ANO4: variants seen among roughly 807,000 people sequenced by gnomAD.
ANO4 encodes the protein anoctamin-4.
In ANO4, 69 loss-of-function variants were observed where a neutral mutation model predicts 141.9. The observed-to-expected ratio is 0.49, with a 90% CI of 0.40 to 0.59. ANO4 has a LOEUF of 0.59. Ranked by LOEUF, ANO4 falls within the 20% of genes least tolerant of loss-of-function variation. The probability of loss-of-function intolerance (pLI) is 0.00; values close to 1 mark genes in which losing one functional copy is unlikely to be tolerated. For missense variants in ANO4, 894 were observed against 1,162.2 expected (o/e 0.77, Z 3.36); for synonymous variants, 350 against 394.3 (o/e 0.89, Z 1.33).
At chr12:100,968,933 T>G (rs1263974211) in intron 5 of ANO4, among the ~76,000 whole-genome samples, 1 of 152,240 alleles carries the variant, frequency 6.6e-6, no homozygotes, top group Non-Finnish European at 1.5e-5. Flanking sequence ...TCTAAGCAGC[T>G]GTGCCGGGAG....
intron 22 of ANO4, among the ~76,000 whole-genome samples, chr12:101,102,545 G>A (rs1261071818): frequency 6.6e-6 from 1 of 151,506 alleles, no homozygotes; most frequent in Non-Finnish European, 1.5e-5. Flanking sequence ...TTTTTTTTGT[G>A]GGTATCTGTC....
At chr12:101,023,012 A>T (rs2046594231) in intron 9 of ANO4, among the ~76,000 whole-genome samples, 1 of 152,132 alleles carries the variant, frequency 6.6e-6, no homozygotes, top group Admixed American at 6.5e-5. Context: ...ACGACTCTTT[A>T]TGAGACACTA....
At chr12:100,793,051 A>G (rs1221536921), upstream of ANO4, among the ~76,000 whole-genome samples, 1 of 152,258 alleles carries the variant, frequency 6.6e-6, no homozygotes, top group Non-Finnish European at 1.5e-5. Flanking sequence ...GAAGAACATT[A>G]AAATAGTAGA....
intron 8 of ANO4, among the ~76,000 whole-genome samples, chr12:101,014,434 T>C (rs1312862545): frequency 6.6e-6 from 1 of 152,152 alleles, no homozygotes; most frequent in Non-Finnish European, 1.5e-5. Flanking sequence ...GGAGAGTCAG[T>C]GGGAAGTTCA....
At chr12:100,991,849 A>G (rs2045126226) in intron 8 of ANO4, among the ~76,000 whole-genome samples, 1 of 152,198 alleles carries the variant, frequency 6.6e-6, no homozygotes, top group Non-Finnish European at 1.5e-5. Context: ...AGTAAAGAAT[A>G]AAGCTGATGT....
intron 3 of ANO4, among the ~76,000 whole-genome samples, chr12:100,928,184 CG>C (rs935840228): frequency 2.6e-5 from 3 of 117,134 alleles, no homozygotes; most frequent in Admixed American, 9.2e-5. Flanking sequence ...TGAGCGGGGC[CG>C]GGGGGGCTGG....
At chr12:100,941,994 A>G (rs1431868847) in intron 4 of ANO4, among the ~76,000 whole-genome samples, 2 of 138,268 alleles carry the variant, frequency 1.4e-5, no homozygotes, top group Non-Finnish European at 3.1e-5. Flanking sequence ...TATTATTATT[A>G]TTTTGAGATG....
chr12:100,814,584 T>G (rs1217507580), intron 1 of ANO4, among the ~76,000 whole-genome samples: 1 of 152,170 alleles, frequency 6.6e-6, no homozygotes, highest in East Asian at 1.9e-4. Flanking sequence ...GATACAAATA[T>G]AACCACATGT....
At chr12:100,876,470 GCT>G (rs2039315233) in intron 1 of ANO4, among the ~76,000 whole-genome samples, 2 of 152,130 alleles carry the variant, frequency 1.3e-5, no homozygotes, top group South Asian at 4.1e-4. Context: ...GGAAGGTTGT[GCT>G]GAGTCAAAGC....
rs150502402 is a variant in ANO4, at chr12:101,004,320, C to T, written c.735-15714C>T. ...GCCCTGTGGAGCTGAGCCTCGGACT[C>T]CTGGGGAGGAGATTCTGCCCTTGTG... On this transcript the variant is annotated intron_variant, in intron 8 of 27. Transcript: ENST00000392977. 1.2e-3 allele frequency among the ~76,000 whole-genome samples: 180 copies of T among 152,140 alleles called. 1 individual carries two copies. Among genetic ancestry groups the T allele is most frequent in the African/African-American group, 3.7e-3 (153 of 41,514 alleles).
chr12:100,791,277 G>T (rs574310859), upstream of ANO4, among the ~76,000 whole-genome samples: 1 of 152,214 alleles, frequency 6.6e-6, no homozygotes, highest in South Asian at 2.1e-4. Context: ...GGGTATGGTG[G>T]CATGCACCTG....
At chr12:101,091,145 C>T (rs1038510017) in intron 17 of ANO4, among the ~76,000 whole-genome samples, 5 of 152,148 alleles carry the variant, frequency 3.3e-5, no homozygotes, top group African/African-American at 1.2e-4. Context: ...TTAGATATAA[C>T]ATGAACATCT....
At chr12:100,844,876 TAG>T (rs879311918) in intron 1 of ANO4, among the ~76,000 whole-genome samples, 1 of 151,662 alleles carries the variant, frequency 6.6e-6, no homozygotes, top group Non-Finnish European at 1.5e-5. Context: ...AGGAAGAACG[TAG>T]AGAGAGAAGA....
At position 101,128,486 on chromosome 12, in the gene ANO4, A is replaced by G. The variant is rs369607295; in HGVS notation, c.*630A>G. 11 of 152,686 alleles carry G rather than the reference A, an allele frequency of 7.2e-5. No homozygotes were observed. Among genetic ancestry groups the G allele is most frequent in the African/African-American group, 2.2e-4 (9 of 41,466 alleles). The allele number at this position is 152,686 out of a possible 1,614,324, so 9.5% of individuals were successfully genotyped here. ...ATACAAATACAGAGATATATAAAGT[A>G]CATAGAAATTCCTTACTTGTAAATA... On this transcript the variant is annotated 3_prime_UTR_variant, in exon 28 of 28. Transcript: ENST00000392977.
chr12:101,078,552 G>T (rs180747740), intron 14 of ANO4, among the ~76,000 whole-genome samples: 14 of 152,242 alleles, frequency 9.2e-5, no homozygotes, highest in Non-Finnish European at 1.3e-4. Context: ...CAGCCACCTC[G>T]CACTTACTGG....
chr12:100,964,284 G>T (rs1230954135), intron 5 of ANO4, among the ~76,000 whole-genome samples: 1 of 152,076 alleles, frequency 6.6e-6, no homozygotes, highest in Admixed American at 6.6e-5. Context: ...CTTAGCCAAG[G>T]TACCAGACTT....
chr12:100,760,488 A>G (rs1224506659), intron 3 of ANO4, among the ~76,000 whole-genome samples: 1 of 152,210 alleles, frequency 6.6e-6, no homozygotes, highest in East Asian at 1.9e-4. Context: ...TGTGTGATTT[A>G]GACTGAGTGT....
chr12:100,961,570 T>G (rs945369768), intron 5 of ANO4, among the ~76,000 whole-genome samples: 2 of 152,226 alleles, frequency 1.3e-5, no homozygotes, highest in Non-Finnish European at 2.9e-5. Flanking sequence ...AATAATGTAA[T>G]TTAAAATATT....
At position 100,915,777 on chromosome 12, in the gene ANO4, A is replaced by AT. The variant is rs566333060; in HGVS notation, c.56-6443dup. ...AGCCTCCAAAAAATTTTAGTTTCCCATTTTTTCAATGAGAAAGATAAGGCT... is the reference window on the plus strand; with the variant it reads ...AGCCTCCAAAAAATTTTAGTTTCCCATTTTTTTCAATGAGAAAGATAAGGCT... On this transcript the variant is annotated intron_variant, in intron 2 of 27. Transcript: ENST00000392977. Among the ~76,000 whole-genome samples the AT allele has an allele frequency of 3.6e-4, 55 of 152,184 alleles. 1 individual carries two copies. Among genetic ancestry groups the AT allele is most frequent in the Non-Finnish European group, 7.4e-4 (50 of 67,994 alleles).
Sources: gnomAD v4.1 joint callset for allele counts (sites outside exome capture counted in the v4.1 genomes callset) on GRCh38, gnomAD v4.1.1 for gene constraint, MANE v1.5 for transcripts, NCBI Gene and HGNC (gene_info 2026-07-23, HGNC 2026-07-21) for gene names.